STK39: variants seen among roughly 807,000 people sequenced by gnomAD.
STK39 encodes serine/threonine kinase 39, also known as STE20/SPS1-related proline-alanine-rich protein kinase.
STK39 carries 20 observed loss-of-function variants against 77.8 expected under a neutral mutation model. The observed-to-expected ratio is 0.26, with a 90% confidence interval of 0.18 to 0.37. The LOEUF (loss-of-function observed/expected upper bound fraction) is 0.37. Among genes scored for constraint, STK39 ranks in the 10% least tolerant of loss-of-function variants. The pLI is 1.00. For missense variants in STK39, 479 were observed against 656.5 expected, an observed-to-expected ratio of 0.73 and a Z score of 2.95; for synonymous variants, 246 against 234.1, an observed-to-expected ratio of 1.05 and a Z score of -0.47.
At chr2:168,032,417 C>T (rs959742216) in intron 14 of STK39, among the ~76,000 whole-genome samples, 3 of 152,170 alleles carry the variant, frequency 2.0e-5, no homozygotes, top group African/African-American at 7.2e-5. Context: ...CTTAACAAGA[C>T]TGTGGGGGTA....
chr2:168,050,432 GA>G (rs1225109800), intron 14 of STK39, among the ~76,000 whole-genome samples: 4 of 152,216 alleles, frequency 2.6e-5, no homozygotes, highest in Non-Finnish European at 4.4e-5. Context: ...GGATTTGGTA[GA>G]TGTAATTAAA....
At chr2:168,230,950 T>A (rs1690438928) in intron 1 of STK39, among the ~76,000 whole-genome samples, 1 of 152,156 alleles carries the variant, frequency 6.6e-6, no homozygotes, top group Admixed American at 6.5e-5. Flanking sequence ...TCTCCCTGGC[T>A]TCACAGACCT....
chr2:167,975,557 TG>T (rs1229899288), intron 16 of STK39, among the ~76,000 whole-genome samples: 8 of 152,208 alleles, frequency 5.3e-5, no homozygotes, highest in African/African-American at 1.9e-4. Flanking sequence ...GGCTCACGCC[TG>T]TAATCCTAGC....
At chr2:167,998,866 C>G (rs1683920417) in intron 16 of STK39, among the ~76,000 whole-genome samples, 1 of 152,184 alleles carries the variant, frequency 6.6e-6, no homozygotes, top group South Asian at 2.1e-4. Flanking sequence ...TTCCTACTCA[C>G]CTCAGTCAAA....
chr2:167,990,628 T>G (rs946449847), intron 16 of STK39, among the ~76,000 whole-genome samples: 2 of 152,204 alleles, frequency 1.3e-5, no homozygotes, highest in Admixed American at 6.5e-5. Flanking sequence ...ACAGTGCAAA[T>G]GCAGAACCCC....
At chr2:168,152,123 A>G (rs1688303971) in intron 5 of STK39, among the ~76,000 whole-genome samples, 1 of 152,250 alleles carries the variant, frequency 6.6e-6, no homozygotes, top group African/African-American at 2.4e-5. Context: ...GTTCCAGGCC[A>G]AGAGACAGCT....
intron 1 of STK39, among the ~76,000 whole-genome samples, chr2:168,225,511 T>TTTA (rs1690281885): frequency 2.6e-5 from 4 of 152,154 alleles, no homozygotes; most frequent in African/African-American, 9.7e-5. Context: ...GACCAGACCA[T>TTTA]ATCTCAGGAT....
chr2:168,239,067 C>A (rs749369347), intron 1 of STK39, among the ~76,000 whole-genome samples: 2 of 152,118 alleles, frequency 1.3e-5, no homozygotes, highest in Non-Finnish European at 2.9e-5. Flanking sequence ...TCATGTCAGT[C>A]CCTTATAAGT....
chr2:168,104,971 T>C (rs550836341), intron 10 of STK39, among the ~76,000 whole-genome samples: 3 of 152,204 alleles, frequency 2.0e-5, no homozygotes, highest in African/African-American at 7.2e-5. Flanking sequence ...CAAAAAGGAA[T>C]GAGGAAATCA....
At chr2:168,055,537 TGATACTG>T (rs1160415851) in intron 14 of STK39, among the ~76,000 whole-genome samples, 1 of 152,238 alleles carries the variant, frequency 6.6e-6, no homozygotes, top group Admixed American at 6.5e-5. Context: ...CAAGGTCCAA[TGATACTG>T]CTACATAATA....
intron 1 of STK39, among the ~76,000 whole-genome samples, chr2:168,246,968 T>C (rs1172406415): frequency 6.7e-6 from 1 of 149,858 alleles, no homozygotes; most frequent in Non-Finnish European, 1.5e-5. Flanking sequence ...GATAAAAGTT[T>C]GCAGCATGCG....
At chr2:168,182,277 A>G (rs952093615) in intron 1 of STK39, among the ~76,000 whole-genome samples, 187 bp from the exon 2 acceptor site, 3 of 152,126 alleles carry the variant, frequency 2.0e-5, no homozygotes, top group Admixed American at 6.5e-5. Context: ...GAGAAAAAAA[A>G]AACTGCATTT....
chr2:168,236,005 T>C (rs1558889478), intron 1 of STK39, among the ~76,000 whole-genome samples: 1 of 152,000 alleles, frequency 6.6e-6, no homozygotes, highest in African/African-American at 2.4e-5. Context: ...GTATTTCTAG[T>C]TCTAGATCCC....
intron 17 of STK39, among the ~76,000 whole-genome samples, chr2:167,959,961 T>C (rs1691903568): frequency 6.6e-6 from 1 of 152,144 alleles, no homozygotes; most frequent in Non-Finnish European, 1.5e-5. Context: ...ACTCAGAAGT[T>C]TGAGGCCCAC....
In STK39 at chr2:168,095,669, C is replaced by G. The variant is rs1686647305; in HGVS notation, c.1090-20438G>C. On this transcript the variant is annotated intron_variant, in intron 10 of 17. Transcript: ENST00000355999. ...TAAGACGGAGTCTTGCTCTGTCGCC[C>G]AGGCTGGAGTGCAGTGGCGCGATCT... 2.0e-5 allele frequency among the ~76,000 whole-genome samples: 3 copies of G among 146,920 alleles called. No individual in the cohort carries two copies. The Admixed American group carries it at 2.1e-4, about 10-fold the overall frequency.
At position 168,163,812 on chromosome 2, in the gene STK39, C is replaced by T. The variant is rs200991167; in HGVS notation, c.499G>A (p.Ala167Thr). 2.7e-5 allele frequency: 43 copies of T among 1,613,852 alleles called. No individual in the cohort carries two copies. The highest frequency in any genetic ancestry group is 3.4e-5 in the Non-Finnish European group (40 of 1,179,932). ...GEHKNGVLEE[A>T]IIATILKEVL... is the part of the protein sequence containing the mutation. ...TCTTTAAGAATTGTTGCTATTATTGCCTCTTCCAGAACTCCATTCTTGTGT... is the reference window on the plus strand; with the variant it reads ...TCTTTAAGAATTGTTGCTATTATTGTCTCTTCCAGAACTCCATTCTTGTGT... The change falls in exon 4 of 18, where the codon GCA becomes ACA. Residue 167 changes from alanine (A) to threonine (T), a missense_variant. Transcript: ENST00000355999.
chr2:168,149,794 T>C (rs1049726763), intron 5 of STK39, among the ~76,000 whole-genome samples: 1 of 152,222 alleles, frequency 6.6e-6, no homozygotes, highest in Non-Finnish European at 1.5e-5. Flanking sequence ...TTAAAATAAG[T>C]AAATGCAGAG....
chr2:167,980,534 T>C (rs960202454), intron 16 of STK39, among the ~76,000 whole-genome samples: 1 of 152,168 alleles, frequency 6.6e-6, no homozygotes, highest in East Asian at 1.9e-4. Context: ...ACCTAAATTA[T>C]GGGCCAATGC....
At chr2:168,079,192 C>A (rs1357177750) in intron 10 of STK39, among the ~76,000 whole-genome samples, 1 of 152,110 alleles carries the variant, frequency 6.6e-6, no homozygotes, top group Non-Finnish European at 1.5e-5. Flanking sequence ...TCTGACACTG[C>A]TCCTCTCTGA....
Sources: gnomAD v4.1 joint callset for allele counts (sites outside exome capture counted in the v4.1 genomes callset) on GRCh38, gnomAD v4.1.1 for gene constraint, MANE v1.5 for transcripts, NCBI Gene and HGNC (gene_info 2026-07-23, HGNC 2026-07-21) for gene names.